GLRA3: variants seen among roughly 807,000 people sequenced by gnomAD.
GLRA3 encodes glycine receptor alpha 3.
Under a neutral mutation model 60.4 loss-of-function variants are expected in GLRA3, and 44 were observed. The observed-to-expected ratio is 0.73, with a 90% CI of 0.57 to 0.94. GLRA3 has a LOEUF of 0.94. Ranked by LOEUF, GLRA3 falls within the 40% of genes least tolerant of loss-of-function variation. The probability of loss-of-function intolerance (pLI) is 0.00; values close to 1 mark genes in which losing one functional copy is unlikely to be tolerated. For missense variants in GLRA3, 508 were observed against 564.6 expected (o/e 0.90, Z 1.02); for synonymous variants, 223 against 192.9 (o/e 1.16, Z -1.29).
intron 2 of GLRA3, among the ~76,000 whole-genome samples, chr4:174,781,493 A>G (rs1269829663): frequency 3.6e-5 from 5 of 139,918 alleles, no homozygotes; most frequent in African/African-American, 1.3e-4. Context: ...ATAGAGACAC[A>G]AAAAACCCTT....
chr4:174,674,686 A>G (rs531775357), intron 7 of GLRA3, among the ~76,000 whole-genome samples: 15 of 152,158 alleles, frequency 9.9e-5, no homozygotes, highest in Non-Finnish European at 1.8e-4. Flanking sequence ...TCACTGTCCT[A>G]TGTTTTATAG....
At chr4:174,748,139 A>C (rs2111188358) in intron 3 of GLRA3, among the ~76,000 whole-genome samples, 2 of 152,260 alleles carry the variant, frequency 1.3e-5, no homozygotes, top group Middle Eastern at 3.4e-3. Context: ...GCATTCAAGA[A>C]ATAGAAAGAA....
At chr4:174,825,588 C>T (rs1578947182) in intron 1 of GLRA3, among the ~76,000 whole-genome samples, 1 of 152,000 alleles carries the variant, frequency 6.6e-6, no homozygotes, top group Non-Finnish European at 1.5e-5. Flanking sequence ...GTTCTGCAAG[C>T]TCTTCATAAT....
intron 1 of GLRA3, among the ~76,000 whole-genome samples, chr4:174,812,561 A>G (rs967991615): frequency 1.3e-5 from 2 of 152,150 alleles, no homozygotes; most frequent in Admixed American, 6.6e-5. Flanking sequence ...TAAACAATAA[A>G]GCAGAAAAAA....
At chr4:174,716,458 AG>A (rs1735920526) in intron 4 of GLRA3, among the ~76,000 whole-genome samples, 1 of 152,186 alleles carries the variant, frequency 6.6e-6, no homozygotes, top group Non-Finnish European at 1.5e-5. Context: ...AGATCTCTTC[AG>A]GGTAGTTTTT....
At chr4:174,700,198 A>G (rs1243964747) in intron 5 of GLRA3, among the ~76,000 whole-genome samples, 1 of 152,152 alleles carries the variant, frequency 6.6e-6, no homozygotes, top group Non-Finnish European at 1.5e-5. Flanking sequence ...CTGTGTCTTT[A>G]CTGCAGGCAT....
chr4:174,683,575 T>G (rs1734440391), intron 5 of GLRA3, among the ~76,000 whole-genome samples: 2 of 152,172 alleles, frequency 1.3e-5, no homozygotes, highest in South Asian at 4.1e-4. Context: ...GGTCTCAAAC[T>G]CCTGACCTCA....
rs1278559489 is a variant in GLRA3, at chr4:174,641,780, T to C, written c.*2006A>G. ...TCACTTAAGCAATGTTGGGAAACTT[T>C]TGAAATAAGATGTGGAAAGTATAGA... On this transcript the variant is annotated 3_prime_UTR_variant, in exon 10 of 10. Coordinates refer to ENST00000274093, the MANE Select transcript of GLRA3 (RefSeq NM_006529.4). The C allele has an allele frequency of 6.6e-6, 1 of 152,008 alleles. No individual in the cohort carries two copies. The highest frequency in any genetic ancestry group is 1.9e-4 in the East Asian group (1 of 5,192). The allele number at this position is 152,008 out of a possible 1,614,324, so 9.4% of individuals were successfully genotyped here. A position where few individuals can be genotyped will look rare whatever the true frequency, so the allele number is the denominator to read the frequency against.
At chr4:174,721,449 C>CAT (rs1736124659) in intron 4 of GLRA3, among the ~76,000 whole-genome samples, 1 of 150,054 alleles carries the variant, frequency 6.7e-6, no homozygotes, top group African/African-American at 2.4e-5. Context: ...TTATATATAA[C>CAT]ATATATATAC....
chr4:174,747,132 C>G (rs1737288426), intron 3 of GLRA3, among the ~76,000 whole-genome samples: 1 of 152,110 alleles, frequency 6.6e-6, no homozygotes, highest in Admixed American at 6.6e-5. Context: ...TGGCTCTTTC[C>G]TTGAAGAAGA....
chr4:174,781,556 A>G (rs1254014231), intron 2 of GLRA3, among the ~76,000 whole-genome samples: 1 of 147,044 alleles, frequency 6.8e-6, no homozygotes, highest in Non-Finnish European at 1.5e-5. Context: ...AACAAAATTG[A>G]TAGACCGCTA....
intron 7 of GLRA3, among the ~76,000 whole-genome samples, chr4:174,667,174 T>C (rs1485893314): frequency 6.6e-6 from 1 of 152,044 alleles, no homozygotes; most frequent in African/African-American, 2.4e-5. Flanking sequence ...TTGTTTCTGC[T>C]CAAAGTTCAT....
At chr4:174,812,590 T>G (rs1740315229) in intron 1 of GLRA3, among the ~76,000 whole-genome samples, 1 of 152,056 alleles carries the variant, frequency 6.6e-6, no homozygotes, top group South Asian at 2.1e-4. Context: ...TAATTAAAAG[T>G]GGTAAGGACA....
intron 5 of GLRA3, among the ~76,000 whole-genome samples, chr4:174,700,799 A>C (rs956389438): frequency 6.6e-6 from 1 of 152,222 alleles, no homozygotes; most frequent in Non-Finnish European, 1.5e-5. Context: ...AACCAGCAAC[A>C]ACATTTCCTT....
At chr4:174,717,462 G>A (rs1050415825) in intron 4 of GLRA3, among the ~76,000 whole-genome samples, 20 of 152,094 alleles carry the variant, frequency 1.3e-4, no homozygotes, top group Non-Finnish European at 2.1e-4. Flanking sequence ...AACCACATTC[G>A]TCAAGCTGAC....
At chr4:174,812,338 A>G (rs1051255023) in intron 1 of GLRA3, among the ~76,000 whole-genome samples, 1 of 152,136 alleles carries the variant, frequency 6.6e-6, no homozygotes, top group Non-Finnish European at 1.5e-5. Context: ...TTATTTTTAT[A>G]AATAGTATTG....
chr4:174,735,359 C>T (rs1736732858), intron 3 of GLRA3, among the ~76,000 whole-genome samples: 1 of 152,168 alleles, frequency 6.6e-6, no homozygotes, highest in Admixed American at 6.5e-5. Context: ...AGCTCATCTA[C>T]TTCTCCTGGT....
intron 5 of GLRA3, among the ~76,000 whole-genome samples, chr4:174,688,615 T>TGA (rs1734652277): frequency 1.5e-5 from 2 of 132,660 alleles, no homozygotes; most frequent in African/African-American, 5.3e-5. Context: ...TGTGTGTGTG[T>TGA]GTGACGTTAT....
chr4:174,775,810 TC>T (rs1330819064), intron 2 of GLRA3, among the ~76,000 whole-genome samples: 21 of 152,196 alleles, frequency 1.4e-4, no homozygotes, highest in African/African-American at 3.1e-4. Context: ...AACGTCATTT[TC>T]TTTCTTTCTG....
Sources: allele counts gnomAD v4.1 joint callset (sites outside exome capture counted in the v4.1 genomes callset), GRCh38; gene constraint gnomAD v4.1.1; transcripts MANE v1.5; gene names NCBI Gene and HGNC (gene_info 2026-07-23, HGNC 2026-07-21).